PXDNL: variants seen among roughly 807,000 people sequenced by gnomAD.
The protein encoded by PXDNL is peroxidasin like.
In PXDNL, 145 loss-of-function variants were observed where a neutral mutation model predicts 150.8. The ratio of observed to expected loss-of-function variants is 0.96; its 90% CI spans 0.84 to 1.10. PXDNL has a LOEUF of 1.10. Ranked by LOEUF, PXDNL falls within the 50% of genes least tolerant of loss-of-function variation. The probability of loss-of-function intolerance (pLI) is 0.00; values close to 1 mark genes in which losing one functional copy is unlikely to be tolerated. For missense variants in PXDNL, 2,087 were observed against 1,873.9 expected (o/e 1.11, Z -2.10); for synonymous variants, 757 against 725.7 (o/e 1.04, Z -0.69).
At chr8:51,479,885 G>A (rs10504120) in intron 6 of PXDNL, among the ~76,000 whole-genome samples, 31,689 of 152,026 alleles carry the variant, frequency 0.21, 3,419 homozygotes, top group Admixed American at 0.24. Context: ...AGATAGATAT[G>A]GTCAGTTGAT....
chr8:51,413,798 C>A (rs192703989), intron 14 of PXDNL, among the ~76,000 whole-genome samples: 1 of 152,160 alleles, frequency 6.6e-6, no homozygotes, highest in South Asian at 2.1e-4. Flanking sequence ...TATTTACTTA[C>A]AGCTGATCAT....
At chr8:51,717,219 C>T (rs892228785) in intron 1 of PXDNL, among the ~76,000 whole-genome samples, 1 of 152,180 alleles carries the variant, frequency 6.6e-6, no homozygotes, top group African/African-American at 2.4e-5. Context: ...TGGATTCCTG[C>T]TCTTGCAGAC....
chr8:51,446,316 C>G (rs1809670971), intron 12 of PXDNL, among the ~76,000 whole-genome samples: 1 of 152,198 alleles, frequency 6.6e-6, no homozygotes, highest in African/African-American at 2.4e-5. Flanking sequence ...GAAATTATAT[C>G]AAAATGTAAA....
intron 3 of PXDNL, among the ~76,000 whole-genome samples, chr8:51,569,511 A>ACAT (rs1000994913): frequency 6.6e-6 from 1 of 151,964 alleles, no homozygotes; most frequent in African/African-American, 2.4e-5. Flanking sequence ...AGGCAAATAA[A>ACAT]CATTTCCTTT....
At chr8:51,621,067 G>A (rs984837771) in intron 2 of PXDNL, among the ~76,000 whole-genome samples, 1 of 152,096 alleles carries the variant, frequency 6.6e-6, no homozygotes, top group East Asian at 1.9e-4. Context: ...AAATAAAGAT[G>A]AACTACTTTC....
At position 51,423,613 on chromosome 8, in the gene PXDNL, A is replaced by G. The variant is rs781651755; in HGVS notation, c.1757T>C (p.Phe586Ser). The G allele has an allele frequency of 2.4e-5, 38 of 1,613,766 alleles. No individual in the cohort carries two copies. In the East Asian group the frequency reaches 8.5e-4, roughly 36 times the overall value. ...AAACATGTTGGTCACAGCAAGGCCA[A>G]AAGAATTCCGAGCCACACATTCATA... ...GRYECVARNS[F>S]GLAVTNMFLT... is the part of the protein sequence containing the mutation. The change falls in exon 14 of 23, where the codon TTT becomes TCT. Residue 586 changes from phenylalanine to serine, a missense_variant. By Grantham distance (155) the Phe-to-Ser change is radical. Transcript: ENST00000356297.
intron 1 of PXDNL, among the ~76,000 whole-genome samples, chr8:51,788,369 C>G (rs1255452090): frequency 6.6e-6 from 1 of 152,214 alleles, no homozygotes; most frequent in African/African-American, 2.4e-5. Context: ...AAAGGAAAGT[C>G]CCCTGTTGGG....
intron 2 of PXDNL, among the ~76,000 whole-genome samples, chr8:51,652,857 G>T (rs1428432281): frequency 6.6e-6 from 1 of 152,106 alleles, no homozygotes; most frequent in Non-Finnish European, 1.5e-5. Context: ...CATGGTTTCT[G>T]CCAAGTGAAG....
At chr8:51,758,817 G>A (rs2037130733) in intron 1 of PXDNL, among the ~76,000 whole-genome samples, 1 of 152,138 alleles carries the variant, frequency 6.6e-6, no homozygotes. Flanking sequence ...GGTCTCTACA[G>A]AAGTGTAAAA....
chr8:51,688,895 C>G (rs760594628), intron 1 of PXDNL, among the ~76,000 whole-genome samples: 1 of 152,232 alleles, frequency 6.6e-6, no homozygotes, highest in Non-Finnish European at 1.5e-5. Context: ...CCATCTTTAT[C>G]CTTGAGCAGA....
intron 2 of PXDNL, among the ~76,000 whole-genome samples, chr8:51,619,949 C>T (rs1045758556): frequency 3.2e-4 from 49 of 152,210 alleles, no homozygotes; most frequent in African/African-American, 1.1e-3. Context: ...TGGAGGCCTT[C>T]ATTTTGAAGG....
chr8:51,603,930 T>C (rs569930431), intron 2 of PXDNL, among the ~76,000 whole-genome samples: 102 of 152,140 alleles, frequency 6.7e-4, no homozygotes, highest in Non-Finnish European at 1.1e-3. Flanking sequence ...TTACCACAAG[T>C]AATTACTATC....
chr8:51,473,517 T>G (rs756777003), intron 7 of PXDNL, among the ~76,000 whole-genome samples: 1 of 151,984 alleles, frequency 6.6e-6, no homozygotes, highest in South Asian at 2.1e-4. Flanking sequence ...AAAGACAGCA[T>G]GTAAAAAGTC....
chr8:51,415,440 A>G (rs1808770155), intron 14 of PXDNL, among the ~76,000 whole-genome samples: 1 of 152,184 alleles, frequency 6.6e-6, no homozygotes, highest in African/African-American at 2.4e-5. Context: ...AACAGGAGAG[A>G]GAGCAAAGGG....
chr8:51,809,196 T>A lies in PXDNL; in HGVS notation c.149A>T (p.Gln50Leu). ...GTGAACTTACAGAACTGTGGTCTGC[T>A]GTGGTACCTGAGGAATGTGGTCCAG... is the stretch of plus-strand genomic sequence containing the variant. ...LMLDHIPQVP[Q>L]QTTVLDLRFN... The change falls in exon 1 of 23, where the codon CAG (glutamine) becomes CTG (leucine). Residue 50 changes from glutamine to leucine, a missense_variant. Gln to Leu is a moderately radical substitution (Grantham distance 113). Coordinates refer to ENST00000356297, the MANE Select transcript of PXDNL (RefSeq NM_144651.5). 6.2e-7 allele frequency: 1 copy of A among 1,613,940 alleles called. No individual in the cohort carries two copies. Among genetic ancestry groups the A allele is most frequent in the Non-Finnish European group, 8.5e-7 (1 of 1,179,872 alleles).
intron 4 of PXDNL, among the ~76,000 whole-genome samples, chr8:51,542,199 AG>A (rs145464654): frequency 0.21 from 31,729 of 152,056 alleles, 3,572 homozygotes; most frequent in Admixed American, 0.3. Flanking sequence ...TTCACACTCA[AG>A]GGCAGTCCAT....
At chr8:51,347,723 A>T (rs78997176) in intron 19 of PXDNL, among the ~76,000 whole-genome samples, 1 of 148,536 alleles carries the variant, frequency 6.7e-6, no homozygotes, top group Non-Finnish European at 1.5e-5. Context: ...GATTACTGTC[A>T]TGAGCCACCG....
chr8:51,475,970 A>G (rs1585503985), intron 6 of PXDNL, among the ~76,000 whole-genome samples: 1 of 152,112 alleles, frequency 6.6e-6, no homozygotes, highest in Non-Finnish European at 1.5e-5. Context: ...GGTGGCACCC[A>G]CCTATAGTCC....
At chr8:51,579,702 C>A (rs930363180) in intron 3 of PXDNL, among the ~76,000 whole-genome samples, 2 of 151,898 alleles carry the variant, frequency 1.3e-5, no homozygotes, top group African/African-American at 2.4e-5. Context: ...TTCTTAATAG[C>A]CAGAAACTGG....
Sources: allele counts gnomAD v4.1 joint callset (sites outside exome capture counted in the v4.1 genomes callset), GRCh38; gene constraint gnomAD v4.1.1; transcripts MANE v1.5; gene names NCBI Gene and HGNC (gene_info 2026-07-23, HGNC 2026-07-21).